NUP93: variants seen among roughly 807,000 people sequenced by gnomAD.
The protein encoded by NUP93 is nucleoporin 93, also known as nuclear pore complex protein Nup93.
In NUP93, 55 loss-of-function variants were observed where a neutral mutation model predicts 107.8. That is an observed-to-expected ratio of 0.51 (90% CI 0.41 to 0.64). The LOEUF (loss-of-function observed/expected upper bound fraction) is 0.64. Ranked by LOEUF, NUP93 falls within the 30% of genes least tolerant of loss-of-function variation. NUP93 has a pLI of 0.00. For synonymous variants in NUP93, 390 were observed against 397.5 expected (o/e 0.98, Z 0.22); for missense variants, 937 against 1,044.7 (o/e 0.90, Z 1.42).
chr16:56,767,514 T>A (rs946094338), intron 3 of NUP93, among the ~76,000 whole-genome samples: 23 of 152,316 alleles, frequency 1.5e-4, no homozygotes, highest in African/African-American at 5.5e-4. Flanking sequence ...TTTCTTTGAA[T>A]GGGATGAACA....
chr16:56,775,230 C>T (rs1195867031), intron 3 of NUP93, among the ~76,000 whole-genome samples: 2 of 152,076 alleles, frequency 1.3e-5, no homozygotes, highest in African/African-American at 4.8e-5. Context: ...GTGTAGGTAG[C>T]TTCATAGGAA....
intron 20 of NUP93, 85 bp from the exon 21 acceptor site, chr16:56,841,620 C>T: frequency 2.6e-6 from 4 of 1,543,482 alleles, no homozygotes; most frequent in Non-Finnish European, 3.5e-6. Context: ...ACCAGGCCTG[C>T]CTGGAGCAGC....
chr16:56,823,584 A>G (rs1184808082), intron 7 of NUP93, 123 bp from the exon 8 acceptor site: 3 of 1,150,764 alleles, frequency 2.6e-6, no homozygotes, highest in African/African-American at 3.0e-5. Context: ...GCCGTCACAG[A>G]CAGATGACAT....
intron 7 of NUP93, among the ~76,000 whole-genome samples, chr16:56,823,245 CA>C (rs761368794): frequency 3.3e-5 from 5 of 152,118 alleles, no homozygotes; most frequent in Non-Finnish European, 7.4e-5. Context: ...TCTGGGAGGA[CA>C]AAAACCTGTA....
In NUP93 at chr16:56,833,257, T is replaced by G. The variant is rs1276847328; in HGVS notation, c.1388T>G (p.Phe463Cys). ...GTGAACCAGCAACCCTTCCTCTACT[T>G]CCAAGTCCTGTTCCTGACAGCGCAG... ...FTVNQQPFLY[F>C]QVLFLTAQFE... Residue 463 changes from phenylalanine to cysteine, a missense_variant, in exon 13 of 22, where the codon TTC (phenylalanine) becomes TGC (cysteine). By Grantham distance (205) the Phe-to-Cys change is radical (BLOSUM62 -2). Transcript: ENST00000308159. The G allele has an allele frequency of 1.2e-5, 20 of 1,606,784 alleles. No homozygotes were observed. The highest frequency in any genetic ancestry group is 1.5e-5 in the Non-Finnish European group (18 of 1,177,724).
At chr16:56,834,292 C>G (rs776197855) in intron 14 of NUP93, 38 bp downstream of exon 14, 1 of 1,613,240 alleles carries the variant, frequency 6.2e-7, no homozygotes, top group Non-Finnish European at 8.5e-7. Flanking sequence ...CAGCTAGTTT[C>G]AATTTCTGCC....
intron 3 of NUP93, among the ~76,000 whole-genome samples, chr16:56,763,614 C>T (rs1962167913): frequency 1.3e-5 from 2 of 151,884 alleles, no homozygotes; most frequent in African/African-American, 4.8e-5. Flanking sequence ...CCTGGAACAT[C>T]CAAGCCCTAA....
intron 3 of NUP93, among the ~76,000 whole-genome samples, chr16:56,795,897 T>G (rs1215166513): frequency 1.3e-5 from 2 of 152,284 alleles, no homozygotes; most frequent in East Asian, 1.9e-4. Flanking sequence ...TCCACCCGCC[T>G]TGGCCTCCCA....
chr16:56,820,359 G>T (rs1201318185), intron 6 of NUP93, among the ~76,000 whole-genome samples: 2 of 152,218 alleles, frequency 1.3e-5, no homozygotes, highest in Non-Finnish European at 2.9e-5. Context: ...ACCCAGGCTG[G>T]AGTGCAGTGG....
intron 3 of NUP93, among the ~76,000 whole-genome samples, chr16:56,772,908 T>C (rs1962348690): frequency 6.6e-6 from 1 of 152,238 alleles, no homozygotes; most frequent in African/African-American, 2.4e-5. Flanking sequence ...TATTTGGTCT[T>C]GGACCCTGTT....
intron 8 of NUP93, among the ~76,000 whole-genome samples, chr16:56,824,862 A>G (rs924587529): frequency 6.6e-6 from 1 of 152,214 alleles, no homozygotes; most frequent in African/African-American, 2.4e-5. Flanking sequence ...TCTGGAGCTC[A>G]AAATGGATTT....
At chr16:56,836,291 AATC>A (rs1465609947) in intron 16 of NUP93, among the ~76,000 whole-genome samples, 1 of 152,126 alleles carries the variant, frequency 6.6e-6, no homozygotes, top group Non-Finnish European at 1.5e-5. Context: ...GCAAATTTAA[AATC>A]ATTGATTTCA....
chr16:56,798,364 G>T, intron 3 of NUP93, 112 bp from the exon 4 acceptor site: 1 of 796,398 alleles, frequency 1.3e-6, no homozygotes, highest in Non-Finnish European at 2.1e-6. Context: ...GGAGAGTTTT[G>T]TGAGGTGTAG....
chr16:56,750,121 G>A (rs1420979890), intron 2 of NUP93, among the ~76,000 whole-genome samples: 3 of 152,194 alleles, frequency 2.0e-5, no homozygotes, highest in African/African-American at 7.2e-5. Context: ...AAGGGAAAAT[G>A]TTTTCTTGGT....
intron 3 of NUP93, among the ~76,000 whole-genome samples, chr16:56,758,986 A>G (rs1962077195): frequency 6.6e-6 from 1 of 152,200 alleles, no homozygotes. Flanking sequence ...TTTCTTTGCT[A>G]GATCTCAAAT....
intron 5 of NUP93, among the ~76,000 whole-genome samples, chr16:56,807,057 A>C (rs1392950984): frequency 6.6e-6 from 1 of 152,174 alleles, no homozygotes; most frequent in East Asian, 1.9e-4. Context: ...CAAAGTCTTC[A>C]CTTTGACATG....
At chr16:56,730,520 A>C (rs1961516103) in intron 1 of NUP93, among the ~76,000 whole-genome samples, 1 of 149,732 alleles carries the variant, frequency 6.7e-6, no homozygotes. Context: ...CCTCACCTCC[A>C]CCTCGTGCCC....
chr16:56,785,063 A>G (rs535692750), intron 3 of NUP93, among the ~76,000 whole-genome samples: 1 of 152,310 alleles, frequency 6.6e-6, no homozygotes, highest in South Asian at 2.1e-4. Flanking sequence ...AGCATTTAAC[A>G]TGTTTAAATA....
At chr16:56,827,044 CAAAAAAAA>C (rs1188027635) in intron 8 of NUP93, among the ~76,000 whole-genome samples, 637 of 53,626 alleles carry the variant, frequency 0.012, 26 homozygotes, top group African/African-American at 0.042. Context: ...GACTCCGTCT[CAAAAAAAA>C]AAAAAAAAAA....
Sources: allele counts gnomAD v4.1 joint callset (sites outside exome capture counted in the v4.1 genomes callset), GRCh38; gene constraint gnomAD v4.1.1; transcripts MANE v1.5; gene names NCBI Gene and HGNC (gene_info 2026-07-23, HGNC 2026-07-21).